The following TUBGCP5 variants were observed in gnomAD, a reference collection of about 807,000 sequenced individuals.
The protein encoded by TUBGCP5 is tubulin gamma complex component 5.
In TUBGCP5, 98 loss-of-function variants were observed where a neutral mutation model predicts 134.7. That is an observed-to-expected ratio of 0.73 (90% confidence interval 0.62 to 0.86). TUBGCP5 has a LOEUF of 0.86. TUBGCP5 is among the 40% of genes least tolerant of loss of function. The pLI is 0.00. For missense variants in TUBGCP5, 1,150 were observed against 1,244.8 expected, an observed-to-expected ratio of 0.92 and a Z score of 1.15; for synonymous variants, 456 against 431.4, an observed-to-expected ratio of 1.06 and a Z score of -0.71.
intron 18 of TUBGCP5, 85 bp downstream of exon 18, chr15:23,005,967 G>A (rs1177554982): frequency 6.7e-6 from 9 of 1,342,194 alleles, no homozygotes; most frequent in Admixed American, 3.0e-5. Context: ...CCAGATCCCC[G>A]TATGCTTCCC....
At chr15:23,009,469 C>T (rs1470452337) in intron 15 of TUBGCP5, among the ~76,000 whole-genome samples, 1 of 151,966 alleles carries the variant, frequency 6.6e-6, no homozygotes. Flanking sequence ...GGGGTTTCAC[C>T]GTGTTAGCCA....
Position 23,008,898 on chromosome 15 carries a change from T to A in TUBGCP5, c.2145-17A>T, listed in dbSNP as rs765951742. 5.2e-5 allele frequency: 79 copies of A among 1,532,986 alleles called. 1 individual carries two copies. The highest frequency in any genetic ancestry group is 6.7e-5 in the Non-Finnish European group (77 of 1,147,556). 95.0% of individuals were successfully genotyped at this position (1,532,986 alleles called of 1,614,324 possible). A position where few individuals can be genotyped will look rare whatever the true frequency, so the allele number is the denominator to read the frequency against. On this transcript the variant is annotated splice_polypyrimidine_tract_variant and intron_variant, in intron 15 of 22. Transcript: ENST00000615383. ...TCTACCAACCTGAATGGAGAGAAAA[T>A]GAGTGACACTAAGATCTCTGGCATT...
intron 16 of TUBGCP5, 92 bp downstream of exon 16, chr15:23,008,607 G>A (rs1272118990): frequency 7.1e-7 from 1 of 1,398,842 alleles, no homozygotes; most frequent in Non-Finnish European, 1.0e-6. Flanking sequence ...TAGGAATAGT[G>A]AGGATAAAAT....
At chr15:22,995,230 C>G (rs191997590), downstream of TUBGCP5, among the ~76,000 whole-genome samples, 1 of 150,786 alleles carries the variant, frequency 6.6e-6, no homozygotes, top group African/African-American at 2.4e-5. Context: ...GGGGACAGAG[C>G]GAGAATCTGT....
At chr15:23,008,960 A>T in intron 15 of TUBGCP5, 79 bp from the exon 16 acceptor site, 3 of 1,242,302 alleles carry the variant, frequency 2.4e-6, no homozygotes, top group Non-Finnish European at 3.3e-6. Context: ...CAGGTTTTGT[A>T]ACCTGTTTTT....
intron 14 of TUBGCP5, 138 bp downstream of exon 14, chr15:23,010,995 A>T: frequency 1.2e-6 from 1 of 837,900 alleles, no homozygotes; most frequent in East Asian, 2.6e-5. Context: ...AAACAAAAAA[A>T]AAAAAGGAAA....
chr15:23,028,209 T>C (rs111499088), intron 6 of TUBGCP5, among the ~76,000 whole-genome samples: 90 of 151,600 alleles, frequency 5.9e-4, no homozygotes, highest in Admixed American at 1.1e-3. Context: ...TGAGACCTCA[T>C]CTCTACAAAA....
At position 22,992,520 on chromosome 15, in the gene TUBGCP5, CAT is replaced by C. The variant is rs202097552; in HGVS notation, c.*61+4323_*61+4324del. On this transcript the variant is annotated intron_variant and NMD_transcript_variant, in intron 23 of 23. Coordinates refer to the TUBGCP5 transcript ENST00000614508. ...TATGTATATGTGTGTCACACACACACATGTATATTAATGGCTCTGCTCTTGGA... is the reference window on the plus strand; with the variant it reads ...TATGTATATGTGTGTCACACACACACGTATATTAATGGCTCTGCTCTTGGA... 6.3e-3 allele frequency among the ~76,000 whole-genome samples: 964 copies of C among 152,154 alleles called. 11 individuals are homozygous for C. Among genetic ancestry groups the C allele is most frequent in the African/African-American group, 0.021 (892 of 41,506 alleles).
intron 16 of TUBGCP5, 126 bp downstream of exon 16, chr15:23,008,573 G>A (rs1376007128): frequency 8.9e-6 from 11 of 1,234,748 alleles, no homozygotes; most frequent in Admixed American, 1.9e-5. Flanking sequence ...TTTCTAATAA[G>A]TAAAATAATA....
At chr15:23,000,465 G>A in intron 22 of TUBGCP5, 104 bp downstream of exon 22, 2 of 1,517,796 alleles carry the variant, frequency 1.3e-6, no homozygotes, top group Non-Finnish European at 1.8e-6. Context: ...TTTGAAAATG[G>A]TGAGAATTTC....
intron 20 of TUBGCP5, 107 bp from the exon 21 acceptor site, chr15:23,003,260 T>C: frequency 9.2e-7 from 1 of 1,087,054 alleles, no homozygotes; most frequent in Non-Finnish European, 1.4e-6. Flanking sequence ...ATCACCACAG[T>C]GACTGCCTTC....
chr15:22,991,074 C>T (rs1278485534), intron 23 of TUBGCP5, among the ~76,000 whole-genome samples: 1 of 150,716 alleles, frequency 6.6e-6, no homozygotes, highest in Non-Finnish European at 1.5e-5. Flanking sequence ...CCACAGGCAA[C>T]AGTATAAGGA....
At chr15:23,008,464 G>T in intron 16 of TUBGCP5, 1 of 515,662 alleles carries the variant, frequency 1.9e-6, no homozygotes, top group Non-Finnish European at 3.4e-6. Flanking sequence ...TCACCATGTT[G>T]GCCAGGCTGG....
intron 13 of TUBGCP5, among the ~76,000 whole-genome samples, chr15:23,012,345 T>C (rs908430947): frequency 6.6e-5 from 10 of 152,130 alleles, no homozygotes; most frequent in African/African-American, 2.2e-4. Flanking sequence ...TAACATAACA[T>C]TGAGATGATT....
intron 23 of TUBGCP5, among the ~76,000 whole-genome samples, chr15:22,992,799 A>G (rs2063891178): frequency 1.3e-5 from 2 of 152,174 alleles, no homozygotes; most frequent in African/African-American, 4.8e-5. Flanking sequence ...CTGTTACCTG[A>G]CGTTACATGG....
At chr15:23,009,430 G>A (rs892663066) in intron 15 of TUBGCP5, among the ~76,000 whole-genome samples, 5 of 151,790 alleles carry the variant, frequency 3.3e-5, no homozygotes, top group Non-Finnish European at 4.4e-5. Context: ...CACCACGCCC[G>A]GCGAATTTTT....
rs905310045 is a variant in TUBGCP5 at position 23,022,275 on chromosome 15, C to T, written c.1169-114G>A. The T allele has an allele frequency of 2.1e-5, 22 of 1,058,030 alleles. 1 individual carries two copies. The highest frequency in any genetic ancestry group is 6.3e-5 in the African/African-American group (4 of 63,786). 65.5% of individuals were successfully genotyped at this position (1,058,030 alleles called of 1,614,324 possible). A position where few individuals can be genotyped will look rare whatever the true frequency, so the allele number is the denominator to read the frequency against. On this transcript the variant is annotated intron_variant, in intron 10 of 22. Transcript: ENST00000615383. The stretch of plus-strand genomic sequence containing the variant: ...TGGACAGGCAGGGCAAAATGGAGGA[C>T]GGTGGATTTTAATCTCATACCACAA...
chr15:23,021,889 C>T, intron 11 of TUBGCP5, 70 bp downstream of exon 11: 1 of 1,466,070 alleles, frequency 6.8e-7, no homozygotes, highest in Non-Finnish European at 9.5e-7. Context: ...CAAAGAACTA[C>T]CATCAGCTGT....
intron 3 of TUBGCP5, among the ~76,000 whole-genome samples, chr15:23,036,637 GCTA>G (rs2066603248): frequency 6.6e-6 from 1 of 152,202 alleles, no homozygotes; most frequent in East Asian, 1.9e-4. Context: ...CCCAAACAAT[GCTA>G]CTATTTGTAT....
Sources: allele counts gnomAD v4.1 joint callset (sites outside exome capture counted in the v4.1 genomes callset), GRCh38; gene constraint gnomAD v4.1.1; transcripts MANE v1.5; gene names NCBI Gene and HGNC (gene_info 2026-07-23, HGNC 2026-07-21).